Variants in ABCA3 observed in about 807,000 individuals in gnomAD.
ABCA3 encodes the protein ATP binding cassette subfamily A member 3, also known as phospholipid-transporting ATPase ABCA3.
ABCA3 carries 88 observed loss-of-function variants against 172.8 expected under a neutral mutation model. The observed-to-expected ratio is 0.51, with a 90% CI of 0.43 to 0.61. The LOEUF is 0.61. Among genes scored for constraint, ABCA3 ranks in the 20% least tolerant of loss-of-function variants. The pLI, the probability that ABCA3 is intolerant of heterozygous loss-of-function variation, is 0.00. For missense variants in ABCA3, 2,164 were observed against 2,301.0 expected (o/e 0.94, Z 1.22); for synonymous variants, 1,066 against 983.8 (o/e 1.08, Z -1.56).
At chr16:2,325,891 A>C (rs1209751069) in intron 5 of ABCA3, 119 bp downstream of exon 5, 1 of 1,423,332 alleles carries the variant, frequency 7.0e-7, no homozygotes, top group Admixed American at 1.8e-5. Context: ...GCAGAGGCCA[A>C]GTCTGCACAG....
chr16:2,308,495 C>A lies in ABCA3; in HGVS notation c.1240G>T (p.Ala414Ser). The A allele has an allele frequency of 6.2e-7, 1 of 1,614,170 alleles. No individual in the cohort carries two copies. Among genetic ancestry groups the A allele is most frequent in the Non-Finnish European group, 8.5e-7 (1 of 1,180,034 alleles). ...ATGAGCTGGGCTCCCATTGCCATGG[C>A]GACATTAGACAGGAGGCAGGAGCAG... ...KLCSCLLSNV[A>S]MAMGAQLIGK... is the part of the protein sequence containing the mutation. Residue 414 changes from alanine to serine, a missense_variant, in exon 11 of 33, where the codon GCC (alanine) becomes TCC (serine). By Grantham distance (99) the Ala-to-Ser change is moderately conservative. This residue lies in a region of ABCA3 where 1,343 missense variants were observed against 1,369.6 expected (regional missense o/e 0.98). Transcript: ENST00000301732.
In ABCA3 at chr16:2,283,315, C is replaced by G. The variant is rs1292508234; in HGVS notation, c.3906G>C (p.Gly1302=). 2 of 1,613,222 alleles carry G rather than the reference C, an allele frequency of 1.2e-6. No individual in the cohort carries two copies. The highest frequency in any genetic ancestry group is 1.7e-6 in the Non-Finnish European group (2 of 1,180,006). The change falls in exon 26 of 33, where the codon GGG becomes GGC. Residue 1302 remains glycine (G), a synonymous_variant. Transcript: ENST00000301732. The surrounding 1 kb of genome is among the most constrained non-coding windows in gnomAD (Gnocchi z 5.4). ...QENFYAWSAP[G]VGRFVASMAA... ...CCATGGAGGCCACAAACCGGCCGAC[C>G]CCCGGGGCGCTCCAGGCATAGAAGT...
In ABCA3 at chr16:2,311,671, G is replaced by C. The variant is rs375653628; in HGVS notation, c.1112-3048C>G. 9.0e-4 allele frequency among the ~76,000 whole-genome samples: 137 copies of C among 152,226 alleles called. 1 individual carries two copies. The highest frequency in any genetic ancestry group is 3.4e-3 in the Middle Eastern group (1 of 294). ...TGAGTAGATGGGATTACAGGCATCC[G>C]CCACCATGCCCGACTAATTTTTGTA... On this transcript the variant is annotated intron_variant, in intron 10 of 32. Transcript: ENST00000301732.
In ABCA3 at chr16:2,281,537, C is replaced by G. The variant is rs757094339; in HGVS notation, c.4036-28G>C. The G allele has an allele frequency of 7.1e-7, 1 of 1,415,140 alleles. No homozygotes were observed. The highest frequency in any genetic ancestry group is 9.5e-7 in the Non-Finnish European group (1 of 1,055,076). The allele number at this position is 1,415,140 out of a possible 1,614,324, so 87.7% of individuals were successfully genotyped here. A position where few individuals can be genotyped will look rare whatever the true frequency, so the allele number is the denominator to read the frequency against. On this transcript the variant is annotated intron_variant, in intron 26 of 32. Coordinates refer to ENST00000301732, the MANE Select transcript of ABCA3 (RefSeq NM_001089.3). This position sits in a 1 kb window ranked among gnomAD's most constrained non-coding sequence, Gnocchi z 4.7. ...GATTGACCAGGACAAAGACCGCATG[C>G]GTGAACCCAGCCGCAGGGCGGCTTC...
At chr16:2,324,642 T>C in intron 5 of ABCA3, 111 bp from the exon 6 acceptor site, 2 of 1,491,902 alleles carry the variant, frequency 1.3e-6, no homozygotes, top group East Asian at 2.4e-5. Flanking sequence ...TCTAGGGCTT[T>C]GTAAACCCTT....
chr16:2,283,251 T>C lies in ABCA3; in HGVS notation c.3970A>G (p.Ile1324Val). Reference sequence around the variant, plus strand: ...AGTCTCTGAAGCAGGTTGGTCTCGATGAGGAAGAGCAGGATGAGGTAGGCG... The same window carrying C: ...AGTCTCTGAAGCAGGTTGGTCTCGACGAGGAAGAGCAGGATGAGGTAGGCG... Reference protein sequence around the residue: ...GCAYLILLFLIETNLLQRLRG... With the variant: ...GCAYLILLFLVETNLLQRLRG... The change falls in exon 26 of 33, where the codon ATC (isoleucine) becomes GTC (valine). Residue 1324 changes from isoleucine to valine, a missense_variant. Ile to Val is a conservative substitution (Grantham distance 29). Coordinates refer to ENST00000301732, the MANE Select transcript of ABCA3 (RefSeq NM_001089.3). The surrounding 1 kb of genome is among the most constrained non-coding windows in gnomAD (Gnocchi z 5.4). The C allele has an allele frequency of 6.2e-7, 1 of 1,613,344 alleles. No individual in the cohort carries two copies. The highest frequency in any genetic ancestry group is 8.5e-7 in the Non-Finnish European group (1 of 1,179,964).
chr16:2,299,309 A>G, intron 14 of ABCA3, 94 bp downstream of exon 14: 1 of 1,566,856 alleles, frequency 6.4e-7, no homozygotes, highest in Non-Finnish European at 8.7e-7. Flanking sequence ...GGAAGGCCCG[A>G]AAGCCCCATT....
intron 13 of ABCA3, 120 bp from the exon 14 acceptor site, chr16:2,299,652 G>A (rs2093685845): frequency 1.3e-6 from 2 of 1,496,940 alleles, no homozygotes; most frequent in Non-Finnish European, 9.2e-7. Context: ...CACCATCAGT[G>A]TGCAGAGGGG....
rs1161095246 is a variant in ABCA3, at chr16:2,340,605, G to A, written c.-571C>T. The stretch of plus-strand genomic sequence containing the variant: ...GGGCGCCGGGGCGGCGGCGGCCGGC[G>A]CGCGGCCCTCTCGCGGGGTCCCCTC... On this transcript the variant is annotated 5_prime_UTR_variant, in exon 1 of 33. Coordinates refer to ENST00000301732, the MANE Select transcript of ABCA3 (RefSeq NM_001089.3). The A allele has an allele frequency of 6.7e-6, 1 of 148,960 alleles. No individual in the cohort carries two copies. Among genetic ancestry groups the A allele is most frequent in the Non-Finnish European group, 1.5e-5 (1 of 66,636 alleles). 9.2% of individuals were successfully genotyped at this position (148,960 alleles called of 1,614,324 possible).
At chr16:2,325,988 C>T (rs374471936) in intron 5 of ABCA3, 22 bp downstream of exon 5, 53 of 1,612,392 alleles carry the variant, frequency 3.3e-5, no homozygotes, top group African/African-American at 4.0e-5. Flanking sequence ...GGCCTGGCAC[C>T]GAGAGCCCCG....
chr16:2,335,635 G>A (rs142386775), intron 1 of ABCA3, among the ~76,000 whole-genome samples: 5 of 152,314 alleles, frequency 3.3e-5, no homozygotes, highest in African/African-American at 9.6e-5. Flanking sequence ...GTCAGCAGCC[G>A]TGGCATCCTG....
At chr16:2,329,321 AGGTTTCTAGAAGT>A (rs1234897835) in intron 2 of ABCA3, among the ~76,000 whole-genome samples, 2 of 152,190 alleles carry the variant, frequency 1.3e-5, no homozygotes, top group Non-Finnish European at 2.9e-5. Flanking sequence ...GGTTTATAAA[AGGTTTCTAGAAGT>A]GGTTTAGGCA....
At chr16:2,330,479 C>T (rs2093741354) in intron 1 of ABCA3, among the ~76,000 whole-genome samples, 1 of 151,602 alleles carries the variant, frequency 6.6e-6, no homozygotes, top group African/African-American at 2.4e-5. Context: ...ACCACCACAT[C>T]CAGCTAACTT....
At position 2,304,291 on chromosome 16, in the gene ABCA3, T is replaced by C. The variant is rs958119576; in HGVS notation, c.1286-141A>G. The C allele has an allele frequency of 5.8e-6, 5 of 860,328 alleles. No individual in the cohort carries two copies. The East Asian group carries it at 7.5e-5, about 13-fold the overall frequency. The allele number at this position is 860,328 out of a possible 1,614,324, so 53.3% of individuals were successfully genotyped here. On this transcript the variant is annotated intron_variant, in intron 11 of 32. Transcript: ENST00000301732. ...GGCATGCCTTTTCCCTTCCCGGTTTTATAACAAGTTGGACAGCTTTCTTCA... is the reference window on the plus strand; with the variant it reads ...GGCATGCCTTTTCCCTTCCCGGTTTCATAACAAGTTGGACAGCTTTCTTCA...
intron 17 of ABCA3, among the ~76,000 whole-genome samples, chr16:2,296,223 G>A (rs138491237): frequency 6.6e-6 from 1 of 152,034 alleles, no homozygotes; most frequent in Non-Finnish European, 1.5e-5. Context: ...GCAGGAGATG[G>A]AATTCCATGT....
intron 1 of ABCA3, among the ~76,000 whole-genome samples, chr16:2,331,715 G>A (rs915178537): frequency 1.3e-5 from 2 of 152,228 alleles, no homozygotes; most frequent in Admixed American, 6.5e-5. Flanking sequence ...TGCACTTGAC[G>A]CCGAGGCGGC....
chr16:2,315,965 G>C (rs1010567790), intron 10 of ABCA3, among the ~76,000 whole-genome samples: 1 of 147,774 alleles, frequency 6.8e-6, no homozygotes, highest in Non-Finnish European at 1.5e-5. Context: ...TTACAGGTGT[G>C]AGCTACCATG....
chr16:2,301,018 C>CA (rs1382542149), intron 12 of ABCA3, among the ~76,000 whole-genome samples: 2 of 149,874 alleles, frequency 1.3e-5, no homozygotes, highest in Non-Finnish European at 2.9e-5. Flanking sequence ...ATCATGAGGT[C>CA]AGGAGATCGA....
chr16:2,293,122 G>T (rs1325034321), intron 18 of ABCA3, among the ~76,000 whole-genome samples: 1 of 151,782 alleles, frequency 6.6e-6, no homozygotes. Context: ...CACAGTCTCG[G>T]CTCACTGCAA....
Sources: gnomAD v4.1 joint callset for allele counts (sites outside exome capture counted in the v4.1 genomes callset) on GRCh38, gnomAD v4.1.1 for gene constraint, gnomAD v4.1.1 regional missense constraint, Gnocchi (gnomAD v3.1) non-coding constraint, MANE v1.5 for transcripts, NCBI Gene and HGNC (gene_info 2026-07-23, HGNC 2026-07-21) for gene names.